TRAF2: variants seen among roughly 807,000 people sequenced by gnomAD.
TRAF2 encodes TNF receptor associated factor 2.
Under a neutral mutation model 55.6 loss-of-function variants are expected in TRAF2, and 6 were observed. The ratio of observed to expected loss-of-function variants is 0.11; its 90% CI spans 0.06 to 0.21. The LOEUF is 0.21. Among genes scored for constraint, TRAF2 ranks in the 10% least tolerant of loss-of-function variants. The pLI, the probability that TRAF2 is intolerant of heterozygous loss-of-function variation, is 1.00. For missense variants in TRAF2, 561 were observed against 684.5 expected, an observed-to-expected ratio of 0.82 and a Z score of 2.01; for synonymous variants, 329 against 276.3, an observed-to-expected ratio of 1.19 and a Z score of -1.89.
upstream of TRAF2, among the ~76,000 whole-genome samples, chr9:136,883,231 G>A (rs949239351): frequency 6.6e-6 from 1 of 152,060 alleles, no homozygotes; most frequent in African/African-American, 2.4e-5. Flanking sequence ...ATTAAACAAA[G>A]GCATTTTCAT....
At chr9:136,896,646 C>T (rs1258528272) in intron 1 of TRAF2, among the ~76,000 whole-genome samples, 1 of 152,080 alleles carries the variant, frequency 6.6e-6, no homozygotes, top group African/African-American at 2.4e-5. Flanking sequence ...CTGTCTCTCC[C>T]CGCTTTTTTT....
chr9:136,924,207 C>T (rs552067316), intron 10 of TRAF2, among the ~76,000 whole-genome samples: 8 of 152,262 alleles, frequency 5.3e-5, no homozygotes, highest in Admixed American at 2.6e-4. Flanking sequence ...AGCACTGGTC[C>T]GTGACACAAG....
chr9:136,921,696 CTTT>C (rs11404322), intron 9 of TRAF2, among the ~76,000 whole-genome samples: 3 of 146,802 alleles, frequency 2.0e-5, no homozygotes, highest in Admixed American at 1.3e-4. Context: ...ACTCCCCCAC[CTTT>C]TTTTTTTTTA....
intron 7 of TRAF2, 23 bp downstream of exon 7, chr9:136,916,638 G>T: frequency 6.2e-7 from 1 of 1,611,702 alleles, no homozygotes. Flanking sequence ...GTCTGAGGTT[G>T]GGGGCCACCC....
chr9:136,911,136 A>T (rs539828382), intron 6 of TRAF2, among the ~76,000 whole-genome samples: 127 of 152,224 alleles, frequency 8.3e-4, no homozygotes, highest in African/African-American at 3.0e-3. Context: ...TTTCCTTGAG[A>T]CTGTTTCCAG....
intron 6 of TRAF2, among the ~76,000 whole-genome samples, chr9:136,914,380 G>GT (rs1348599314): frequency 1.3e-5 from 2 of 152,190 alleles, no homozygotes; most frequent in African/African-American, 4.8e-5. Flanking sequence ...GCTTCCTGTG[G>GT]TGGAAATTTC....
chr9:136,925,939 G>GGC lies in TRAF2; in HGVS notation c.*39_*40dup. 3 of 1,610,714 alleles carry GGC rather than the reference G, an allele frequency of 1.9e-6. No homozygotes were observed. Among genetic ancestry groups the GGC allele is most frequent in the Non-Finnish European group, 2.5e-6 (3 of 1,178,108 alleles). ...GGTGTCTGGGGGTTGGGGGCAGCCA[G>GGC]GCACAGCCGGCTCACGGAGGGGCCA... is the stretch of plus-strand genomic sequence containing the variant. On this transcript the variant is annotated 3_prime_UTR_variant, in exon 11 of 11. Coordinates refer to ENST00000247668, the MANE Select transcript of TRAF2 (RefSeq NM_021138.4).
intron 7 of TRAF2, among the ~76,000 whole-genome samples, chr9:136,919,680 T>TTCTTCCCG (rs1554781940): frequency 8.1e-5 from 12 of 148,608 alleles, no homozygotes; most frequent in Admixed American, 1.3e-4. Context: ...TTCCCTCCCC[T>TTCTTCCCG]TCTTCCCTTC....
chr9:136,906,010 C>CAGA (rs1025173604), intron 4 of TRAF2, among the ~76,000 whole-genome samples: 8 of 152,112 alleles, frequency 5.3e-5, no homozygotes, highest in African/African-American at 1.9e-4. Context: ...GAGGCTGAGG[C>CAGA]AGAAGAATGG....
intron 5 of TRAF2, 68 bp from the exon 6 acceptor site, chr9:136,909,852 G>C (rs532774456): frequency 6.5e-7 from 1 of 1,541,376 alleles, no homozygotes; most frequent in Admixed American, 1.7e-5. Flanking sequence ...CCTGAGCACT[G>C]TGTGCCGCCC....
chr9:136,888,257 C>A (rs1259062933), intron 1 of TRAF2, among the ~76,000 whole-genome samples: 1 of 152,162 alleles, frequency 6.6e-6, no homozygotes, highest in African/African-American at 2.4e-5. Context: ...CTGAATATTA[C>A]TCAGATGAGC....
intron 4 of TRAF2, among the ~76,000 whole-genome samples, chr9:136,902,976 TTTA>T (rs1443890322): frequency 3.0e-5 from 2 of 65,650 alleles, no homozygotes; most frequent in African/African-American, 1.9e-4. Context: ...TTTATTTATT[TTTA>T]TTTTTTTGAG....
intron 6 of TRAF2, among the ~76,000 whole-genome samples, chr9:136,916,144 G>A (rs1044328813): frequency 1.3e-5 from 2 of 152,110 alleles, no homozygotes; most frequent in African/African-American, 4.8e-5. Context: ...GCTTCATGTC[G>A]TGTCTGTGTC....
intron 9 of TRAF2, 125 bp downstream of exon 9, chr9:136,921,340 G>T: frequency 8.1e-7 from 1 of 1,240,678 alleles, no homozygotes; most frequent in East Asian, 2.5e-5. Context: ...CAGTGATACC[G>T]GGAGCAGCTA....
upstream of TRAF2, chr9:136,886,510 G>C (rs995065063): frequency 1.0e-6 from 1 of 997,142 alleles, no homozygotes; most frequent in Non-Finnish European, 1.2e-6. Context: ...AGCTGGGCGG[G>C]CCCTTAGTTC....
intron 10 of TRAF2, among the ~76,000 whole-genome samples, chr9:136,925,308 T>G (rs2131339313): frequency 6.6e-6 from 1 of 152,316 alleles, no homozygotes; most frequent in East Asian, 1.9e-4. Flanking sequence ...GAGTGGGCAG[T>G]GGGTGCTTCA....
intron 1 of TRAF2, among the ~76,000 whole-genome samples, chr9:136,893,055 C>T (rs913906071): frequency 2.0e-5 from 3 of 152,126 alleles, no homozygotes; most frequent in African/African-American, 7.2e-5. Context: ...GATGAATGTG[C>T]GCTGAGGGTG....
chr9:136,908,427 A>G (rs1222532278), intron 5 of TRAF2, among the ~76,000 whole-genome samples, 196 bp downstream of exon 5: 1 of 152,248 alleles, frequency 6.6e-6, no homozygotes, highest in Non-Finnish European at 1.5e-5. Context: ...AGGCCTTTCA[A>G]AAGCATTTTT....
chr9:136,917,736 G>A (rs558007364), intron 7 of TRAF2, among the ~76,000 whole-genome samples: 3 of 152,318 alleles, frequency 2.0e-5, no homozygotes, highest in Admixed American at 6.5e-5. Context: ...GTGAAAAGGA[G>A]CGTGGCTGCT....
Sources: allele counts gnomAD v4.1 joint callset (sites outside exome capture counted in the v4.1 genomes callset), GRCh38; gene constraint gnomAD v4.1.1; transcripts MANE v1.5; gene names NCBI Gene and HGNC (gene_info 2026-07-23, HGNC 2026-07-21).